The following HS3ST4 variants were observed in gnomAD, a reference collection of about 807,000 sequenced individuals.
HS3ST4 encodes the protein heparan sulfate-glucosamine 3-sulfotransferase 4, also known as heparan sulfate glucosamine 3-O-sulfotransferase 4.
HS3ST4 carries 17 observed loss-of-function variants against 29.2 expected under a neutral mutation model. The ratio of observed to expected loss-of-function variants is 0.58; its 90% confidence interval spans 0.40 to 0.87. The LOEUF (loss-of-function observed/expected upper bound fraction) is 0.87, where lower values mean the gene tolerates loss of function less well. Ranked by LOEUF, HS3ST4 falls within the 40% of genes least tolerant of loss-of-function variation. The pLI is 0.00. For synonymous variants in HS3ST4, 314 were observed against 285.7 expected, an observed-to-expected ratio of 1.10 and a Z score of -1.00; for missense variants, 627 against 634.5, an observed-to-expected ratio of 0.99 and a Z score of 0.13.
intron 1 of HS3ST4, among the ~76,000 whole-genome samples, chr16:25,881,530 G>A (rs1195332968): frequency 1.3e-5 from 2 of 152,144 alleles, no homozygotes; most frequent in East Asian, 3.9e-4. Flanking sequence ...ATTCAAAAGG[G>A]GTTGAGAGGC....
At position 25,939,483 on chromosome 16, in the gene HS3ST4, G is replaced by A. The variant is rs563286543; in HGVS notation, c.735-196129G>A. ...CTCCCGAGTAGCTGGGATTACAGGC[G>A]CCCACTACCATGCCTGGCTAATTTT... On this transcript the variant is annotated intron_variant, in intron 1 of 1. Coordinates refer to ENST00000331351, the MANE Select transcript of HS3ST4 (RefSeq NM_006040.3). 9.2e-5 allele frequency among the ~76,000 whole-genome samples: 14 copies of A among 151,846 alleles called. No homozygotes were observed. In the South Asian group the frequency reaches 1.5e-3, roughly 16 times the overall value.
rs554478892 is a variant in HS3ST4 at position 25,814,587 on chromosome 16, C to T, written c.734+121436C>T. Reference sequence around the variant, plus strand: ...GTCTGGAAGTCCTGACCTTGTGATCCGCCTGCCTTGCCTCCCAAAGCGCTG... The same window carrying T: ...GTCTGGAAGTCCTGACCTTGTGATCTGCCTGCCTTGCCTCCCAAAGCGCTG... On this transcript the variant is annotated intron_variant, in intron 1 of 1. Coordinates refer to ENST00000331351, the MANE Select transcript of HS3ST4 (RefSeq NM_006040.3). 1.3e-3 allele frequency among the ~76,000 whole-genome samples: 202 copies of T among 152,244 alleles called. 5 individuals carry two copies. In the South Asian group the frequency reaches 0.037, roughly 28 times the overall value.
rs115959622 is a variant in HS3ST4 at position 26,121,099 on chromosome 16, G to T, written c.735-14513G>T. Among the ~76,000 whole-genome samples, 810 of 152,284 alleles carry T rather than the reference G, an allele frequency of 5.3e-3. 9 individuals are homozygous for T. The highest frequency in any genetic ancestry group is 0.018 in the African/African-American group (742 of 41,546). Reference sequence around the variant, plus strand: ...AAAATTGTTGTATAAAATGGGAATTGTATATGGTGAAGAAACTCAGGCTTG... The same window carrying T: ...AAAATTGTTGTATAAAATGGGAATTTTATATGGTGAAGAAACTCAGGCTTG... On this transcript the variant is annotated intron_variant, in intron 1 of 1. Coordinates refer to ENST00000331351, the MANE Select transcript of HS3ST4 (RefSeq NM_006040.3).
chr16:26,045,841 A>C (rs2141761937), intron 1 of HS3ST4, among the ~76,000 whole-genome samples: 1 of 152,294 alleles, frequency 6.6e-6, no homozygotes, highest in East Asian at 1.9e-4. Context: ...CCTTGACCAC[A>C]TTTAATGCAT....
intron 1 of HS3ST4, among the ~76,000 whole-genome samples, chr16:25,700,882 T>C (rs1966330007): frequency 1.3e-5 from 2 of 152,242 alleles, no homozygotes; most frequent in African/African-American, 4.8e-5. Flanking sequence ...CTTAGACATT[T>C]TTTTTTCAAC....
chr16:25,883,856 TGTAA>T (rs1967919378), intron 1 of HS3ST4, among the ~76,000 whole-genome samples: 1 of 152,204 alleles, frequency 6.6e-6, no homozygotes, highest in Non-Finnish European at 1.5e-5. Context: ...AGCTCATGCC[TGTAA>T]TCTCAGCACT....
At chr16:25,734,466 T>G (rs536890219) in intron 1 of HS3ST4, among the ~76,000 whole-genome samples, 1 of 151,960 alleles carries the variant, frequency 6.6e-6, no homozygotes, top group Admixed American at 6.6e-5. Context: ...GACCAGCAAT[T>G]AGTCCTCCTA....
At chr16:25,963,906 T>C (rs568257601) in intron 1 of HS3ST4, among the ~76,000 whole-genome samples, 2 of 152,252 alleles carry the variant, frequency 1.3e-5, no homozygotes, top group Non-Finnish European at 1.5e-5. Flanking sequence ...GCGAGGTGGC[T>C]CACACTGTAA....
chr16:25,993,992 GTGTGTGTGTGTGTGT>G (rs1969137119), intron 1 of HS3ST4, among the ~76,000 whole-genome samples: 1 of 149,168 alleles, frequency 6.7e-6, no homozygotes, highest in African/African-American at 2.5e-5. Context: ...GTGTGTGTGT[GTGTGTGTGTGTGTGT>G]GGTGGAGAGA....
intron 1 of HS3ST4, among the ~76,000 whole-genome samples, chr16:25,943,669 A>G (rs1157109312): frequency 6.6e-6 from 1 of 152,154 alleles, no homozygotes; most frequent in African/African-American, 2.4e-5. Flanking sequence ...TACGAATTCC[A>G]TTTTTAGCTC....
At chr16:25,856,371 G>T (rs535076423) in intron 1 of HS3ST4, among the ~76,000 whole-genome samples, 2 of 152,098 alleles carry the variant, frequency 1.3e-5, no homozygotes, top group Non-Finnish European at 2.9e-5. Flanking sequence ...GGGGAAAGGG[G>T]CTGGGAGACT....
At position 26,098,674 on chromosome 16, in the gene HS3ST4, G is replaced by A. The variant is rs142963522; in HGVS notation, c.735-36938G>A. Among the ~76,000 whole-genome samples the A allele has an allele frequency of 6.3e-3, 960 of 152,072 alleles. 12 individuals are homozygous for A. The highest frequency in any genetic ancestry group is 0.022 in the African/African-American group (905 of 41,466). ...GGTGCAACAAACCAACATGGCACATGTTTACCTATGTATCAAACCTGCATG... is the reference window on the plus strand; with the variant it reads ...GGTGCAACAAACCAACATGGCACATATTTACCTATGTATCAAACCTGCATG... On this transcript the variant is annotated intron_variant, in intron 1 of 1. Coordinates refer to ENST00000331351, the MANE Select transcript of HS3ST4 (RefSeq NM_006040.3).
At chr16:25,727,870 T>G (rs1304866222) in intron 1 of HS3ST4, among the ~76,000 whole-genome samples, 1 of 152,182 alleles carries the variant, frequency 6.6e-6, no homozygotes, top group African/African-American at 2.4e-5. Context: ...ACTTTAAAAT[T>G]ATGATTTCAA....
intron 1 of HS3ST4, among the ~76,000 whole-genome samples, chr16:26,012,501 A>G (rs1479448457): frequency 2.0e-5 from 3 of 152,218 alleles, no homozygotes; most frequent in African/African-American, 4.8e-5. Context: ...GAAGCCACTA[A>G]TATTTTTCCA....
At chr16:25,814,257 A>C (rs1967069987) in intron 1 of HS3ST4, among the ~76,000 whole-genome samples, 2 of 152,174 alleles carry the variant, frequency 1.3e-5, no homozygotes, top group South Asian at 4.1e-4. Flanking sequence ...GGAATGCAGC[A>C]GAAAATTAAA....
intron 1 of HS3ST4, among the ~76,000 whole-genome samples, chr16:26,097,932 C>A (rs28788038): frequency 6.6e-6 from 1 of 152,138 alleles, no homozygotes; most frequent in Non-Finnish European, 1.5e-5. Context: ...AGGTTATGAA[C>A]AGACACTTCT....
At chr16:26,068,403 A>T (rs1898565227) in intron 1 of HS3ST4, among the ~76,000 whole-genome samples, 1 of 152,168 alleles carries the variant, frequency 6.6e-6, no homozygotes, top group Non-Finnish European at 1.5e-5. Context: ...AGATCTTAGG[A>T]TCAATAAAAT....
chr16:25,721,604 G>T (rs150152398), intron 1 of HS3ST4, among the ~76,000 whole-genome samples: 1 of 152,142 alleles, frequency 6.6e-6, no homozygotes, highest in South Asian at 2.1e-4. Flanking sequence ...ATGAAAGCCC[G>T]TCAGCGTATT....
At chr16:25,861,979 G>A (rs999631234) in intron 1 of HS3ST4, among the ~76,000 whole-genome samples, 1 of 151,990 alleles carries the variant, frequency 6.6e-6, no homozygotes, top group African/African-American at 2.4e-5. Flanking sequence ...TTTGGCACTA[G>A]GGATGGGTTT....
Sources: allele counts gnomAD v4.1 joint callset (sites outside exome capture counted in the v4.1 genomes callset), GRCh38; gene constraint gnomAD v4.1.1; transcripts MANE v1.5; gene names NCBI Gene and HGNC (gene_info 2026-07-23, HGNC 2026-07-21).